RFX3: variants seen among roughly 807,000 people sequenced by gnomAD.
The protein encoded by RFX3 is transcription factor RFX3.
Under a neutral mutation model 98.6 loss-of-function variants are expected in RFX3, and 14 were observed. That is an observed-to-expected ratio of 0.14 (90% confidence interval 0.09 to 0.22). The LOEUF is 0.22. RFX3 is among the 10% of genes least tolerant of loss of function. The probability of loss-of-function intolerance (pLI) is 1.00; values close to 1 mark genes in which losing one functional copy is unlikely to be tolerated. For missense variants in RFX3, 639 were observed against 926.9 expected (o/e 0.69, Z 4.03); for synonymous variants, 383 against 328.4 (o/e 1.17, Z -1.80).
intron 1 of RFX3, among the ~76,000 whole-genome samples, chr9:3,433,546 T>C (rs902919714): frequency 6.6e-6 from 1 of 152,122 alleles, no homozygotes; most frequent in African/African-American, 2.4e-5. Context: ...TCTGAGGGAG[T>C]CAAAAGTTAT....
intron 1 of RFX3, among the ~76,000 whole-genome samples, chr9:3,500,473 A>C (rs1474384451): frequency 1.3e-5 from 2 of 152,178 alleles, no homozygotes; most frequent in Non-Finnish European, 2.9e-5. Flanking sequence ...TCTTAAAACA[A>C]ATGCAACTCA....
rs1359276488 is a variant in RFX3, at chr9:3,475,111, AAAG to A, written c.-9+50633_-9+50635del. Among the ~76,000 whole-genome samples the A allele has an allele frequency of 1.4e-4, 21 of 145,002 alleles. No individual in the cohort carries two copies. In the South Asian group the frequency reaches 3.5e-3, roughly 24 times the overall value. ...CAAGACCCTGTCTCCAAAAAAAAAAAAAGAAAGAAAAAGAAAAAGGAAGGAAGG... is the reference window on the plus strand; with the variant it reads ...CAAGACCCTGTCTCCAAAAAAAAAAAAAAGAAAAAGAAAAAGGAAGGAAGG... On this transcript the variant is annotated intron_variant, in intron 1 of 16. Coordinates refer to ENST00000617270, the MANE Select transcript of RFX3 (RefSeq NM_001282116.2).
intron 1 of RFX3, among the ~76,000 whole-genome samples, chr9:3,448,848 C>G (rs1846298236): frequency 6.6e-6 from 1 of 152,172 alleles, no homozygotes; most frequent in African/African-American, 2.4e-5. Flanking sequence ...CTGCAATAAA[C>G]TACCTAAATC....
intron 13 of RFX3, among the ~76,000 whole-genome samples, chr9:3,257,587 C>G (rs1019954350): frequency 2.0e-5 from 3 of 151,984 alleles, no homozygotes; most frequent in African/African-American, 7.3e-5. Flanking sequence ...CTTTTTGTTC[C>G]CCATCAGATA....
At chr9:3,236,418 G>C (rs555152114) in intron 15 of RFX3, among the ~76,000 whole-genome samples, 1 of 152,192 alleles carries the variant, frequency 6.6e-6, no homozygotes, top group Admixed American at 6.5e-5. Flanking sequence ...GCAGTCCTAA[G>C]CTCCATATCC....
rs778888361 is a variant in RFX3, at chr9:3,222,570, T to C, written c.*2472A>G. 2 of 150,144 alleles carry C rather than the reference T, an allele frequency of 1.3e-5. No homozygotes were observed. The highest frequency in any genetic ancestry group is 2.5e-5 in the African/African-American group (1 of 39,522). 9.3% of individuals were successfully genotyped at this position (150,144 alleles called of 1,614,324 possible). ...GTAAATACATTTGGTCCAATACAGA[T>C]ATAGTATCACTCAAAGGATGGCGGG... is the stretch of plus-strand genomic sequence containing the variant. On this transcript the variant is annotated 3_prime_UTR_variant, in exon 17 of 17. Transcript: ENST00000617270.
intron 15 of RFX3, among the ~76,000 whole-genome samples, chr9:3,229,841 T>A (rs185423794): frequency 3.3e-5 from 5 of 152,342 alleles, no homozygotes; most frequent in Admixed American, 1.3e-4. Flanking sequence ...GAGTATTTTT[T>A]TCATCTACAA....
chr9:3,419,501 G>C (rs1028291237), intron 1 of RFX3, among the ~76,000 whole-genome samples: 1 of 152,092 alleles, frequency 6.6e-6, no homozygotes, highest in Non-Finnish European at 1.5e-5. Context: ...CTTCTTACCT[G>C]GGCCAAATGA....
chr9:3,244,827 T>C (rs979558731), intron 15 of RFX3, among the ~76,000 whole-genome samples: 15 of 152,352 alleles, frequency 9.8e-5, no homozygotes, highest in East Asian at 7.7e-4. Context: ...TGTAAATATG[T>C]ATCCCCCACT....
At chr9:3,425,122 C>T (rs1843886485) in intron 1 of RFX3, among the ~76,000 whole-genome samples, 1 of 152,122 alleles carries the variant, frequency 6.6e-6, no homozygotes, top group Non-Finnish European at 1.5e-5. Context: ...TCTGTGGTCC[C>T]AGCTACTTGG....
At chr9:3,460,161 C>T (rs1213223383) in intron 1 of RFX3, among the ~76,000 whole-genome samples, 1 of 151,980 alleles carries the variant, frequency 6.6e-6, no homozygotes, top group Non-Finnish European at 1.5e-5. Context: ...ACAAATTCAT[C>T]AGCTTTATTG....
chr9:3,478,409 C>CT (rs200717765), intron 1 of RFX3, among the ~76,000 whole-genome samples: 1,942 of 127,826 alleles, frequency 0.015, 32 homozygotes, highest in Middle Eastern at 0.053. Context: ...TCTGCTAGAA[C>CT]TTTTTTTTTT....
chr9:3,396,056 T>A (rs1840830508), intron 1 of RFX3, among the ~76,000 whole-genome samples: 1 of 152,010 alleles, frequency 6.6e-6, no homozygotes, highest in Non-Finnish European at 1.5e-5. Context: ...TTTTTTTTTT[T>A]ATACTTTGTT....
At chr9:3,330,069 G>A (rs185521584) in intron 4 of RFX3, among the ~76,000 whole-genome samples, 190 bp downstream of exon 4, 2 of 152,228 alleles carry the variant, frequency 1.3e-5, no homozygotes, top group Admixed American at 1.3e-4. Flanking sequence ...CACCTGATTA[G>A]AGGGCATATG....
At chr9:3,373,169 T>G (rs139780859) in intron 2 of RFX3, among the ~76,000 whole-genome samples, 1 of 152,298 alleles carries the variant, frequency 6.6e-6, no homozygotes, top group Non-Finnish European at 1.5e-5. Flanking sequence ...TTATAGATAC[T>G]CTGCACCAAA....
At chr9:3,436,775 G>A (rs1587672683) in intron 1 of RFX3, among the ~76,000 whole-genome samples, 1 of 151,986 alleles carries the variant, frequency 6.6e-6, no homozygotes, top group East Asian at 1.9e-4. Flanking sequence ...AGACAGAAAG[G>A]ATAGGAAACG....
At chr9:3,393,442 C>T (rs1840528560) in intron 2 of RFX3, among the ~76,000 whole-genome samples, 2 of 152,226 alleles carry the variant, frequency 1.3e-5, no homozygotes, top group African/African-American at 4.8e-5. Flanking sequence ...AACACTATTT[C>T]CATCACACTC....
At chr9:3,256,070 C>T (rs1822101038) in intron 14 of RFX3, among the ~76,000 whole-genome samples, 1 of 152,066 alleles carries the variant, frequency 6.6e-6, no homozygotes, top group Non-Finnish European at 1.5e-5. Flanking sequence ...GGGTTCACGC[C>T]ATTCTCCTGG....
intron 1 of RFX3, among the ~76,000 whole-genome samples, chr9:3,463,642 A>G (rs1201269728): frequency 6.6e-6 from 1 of 152,158 alleles, no homozygotes; most frequent in Non-Finnish European, 1.5e-5. Context: ...ATATATATAC[A>G]GAACTCAATA....
Sources: allele counts gnomAD v4.1 joint callset (sites outside exome capture counted in the v4.1 genomes callset), GRCh38; gene constraint gnomAD v4.1.1; transcripts MANE v1.5; gene names NCBI Gene and HGNC (gene_info 2026-07-23, HGNC 2026-07-21).